The following KIRREL3 variants were observed in gnomAD, a reference collection of about 807,000 sequenced individuals.
The protein encoded by KIRREL3 is kirre like nephrin family adhesion molecule 3.
Under a neutral mutation model 89.7 loss-of-function variants are expected in KIRREL3, and 36 were observed. That is an observed-to-expected ratio of 0.40 (90% confidence interval 0.31 to 0.53). KIRREL3 has a LOEUF of 0.53. Ranked by LOEUF, KIRREL3 falls within the 20% of genes least tolerant of loss-of-function variation. KIRREL3 has a pLI of 0.49. For synonymous variants in KIRREL3, 445 were observed against 441.4 expected (o/e 1.01, Z -0.10); for missense variants, 864 against 1,056.6 (o/e 0.82, Z 2.53).
In KIRREL3 at chr11:126,561,109, G is replaced by A. The variant is rs1940086333; in HGVS notation, c.133+1726C>T. On this transcript the variant is annotated intron_variant, in intron 2 of 16. Coordinates refer to ENST00000525144, the MANE Select transcript of KIRREL3 (RefSeq NM_032531.4). The surrounding 1 kb of genome is among the most constrained non-coding windows in gnomAD (Gnocchi z 4.5). ...AGAAATGTATAATGTGGTACTTAGG[G>A]CAGCAAGGCTGGCTGGAGTGGAAGA... Among the ~76,000 whole-genome samples, 1 of 152,146 alleles carries A rather than the reference G, an allele frequency of 6.6e-6. No homozygotes were observed. The highest frequency in any genetic ancestry group is 2.4e-5 in the African/African-American group (1 of 41,420).
At chr11:126,833,064 G>C (rs1212767143) in intron 1 of KIRREL3, among the ~76,000 whole-genome samples, 1 of 152,142 alleles carries the variant, frequency 6.6e-6, no homozygotes, top group East Asian at 1.9e-4. Context: ...TCTCACTGCT[G>C]TTATCCTCAT....
chr11:126,646,722 G>A (rs541295188), intron 1 of KIRREL3, among the ~76,000 whole-genome samples: 70 of 152,032 alleles, frequency 4.6e-4, no homozygotes, highest in African/African-American at 1.5e-3. Flanking sequence ...TGATTCACCC[G>A]CCTTGGGCTC....
At chr11:126,728,192 G>A (rs1445758813) in intron 1 of KIRREL3, among the ~76,000 whole-genome samples, 1 of 152,132 alleles carries the variant, frequency 6.6e-6, no homozygotes, top group African/African-American at 2.4e-5. Flanking sequence ...AAATAATTGG[G>A]ACACCAGGAG....
intron 1 of KIRREL3, among the ~76,000 whole-genome samples, chr11:126,660,522 G>A (rs1385254414): frequency 6.6e-6 from 1 of 152,136 alleles, no homozygotes; most frequent in African/African-American, 2.4e-5. Context: ...ATTGAGAACT[G>A]ACTGTGTGTC....
At chr11:126,887,905 G>A (rs1945761872) in intron 1 of KIRREL3, among the ~76,000 whole-genome samples, 1 of 152,230 alleles carries the variant, frequency 6.6e-6, no homozygotes. Flanking sequence ...GCACAGGAGA[G>A]AGGGGGTGGG....
chr11:126,998,525 C>A (rs559869528), intron 1 of KIRREL3, among the ~76,000 whole-genome samples: 1 of 152,302 alleles, frequency 6.6e-6, no homozygotes, highest in Admixed American at 6.5e-5. Flanking sequence ...TTAAGAACTG[C>A]ATGATGTTAT....
intron 2 of KIRREL3, among the ~76,000 whole-genome samples, chr11:126,538,665 A>C (rs970005495): frequency 2.0e-5 from 3 of 152,088 alleles, no homozygotes; most frequent in Non-Finnish European, 4.4e-5. Flanking sequence ...GACGGATAAA[A>C]ATGGATTTTT....
At position 126,696,220 on chromosome 11, in the gene KIRREL3, C is replaced by G. The variant is rs1947088100; in HGVS notation, c.56-133308G>C. Among the ~76,000 whole-genome samples, 3 of 151,500 alleles carry G rather than the reference C, an allele frequency of 2.0e-5. No individual in the cohort carries two copies. The highest frequency in any genetic ancestry group is 7.3e-5 in the African/African-American group (3 of 41,166). ...TGCAGTGAGCCAACATCCCGCCACT[C>G]CACTCCAGCCTGGGCCACTGAGCGA... On this transcript the variant is annotated intron_variant, in intron 1 of 16. Transcript: ENST00000525144. This position sits in a 1 kb window ranked among gnomAD's most constrained non-coding sequence, Gnocchi z 4.4.
Position 126,719,604 on chromosome 11 carries a change from C to G in KIRREL3, c.56-156692G>C, listed in dbSNP as rs1487535838. ...ACAGCCAACTCCTGCCTTCACCACACAGCCCCTCCCGCTAGATCCTGTCAA... is the reference window on the plus strand; with the variant it reads ...ACAGCCAACTCCTGCCTTCACCACAGAGCCCCTCCCGCTAGATCCTGTCAA... On this transcript the variant is annotated intron_variant, in intron 1 of 16. Transcript: ENST00000525144. This position sits in a 1 kb window ranked among gnomAD's most constrained non-coding sequence, Gnocchi z 4.7. Among the ~76,000 whole-genome samples, 1 of 152,170 alleles carries G rather than the reference C, an allele frequency of 6.6e-6. No individual in the cohort carries two copies. Among genetic ancestry groups the G allele is most frequent in the Non-Finnish European group, 1.5e-5 (1 of 68,030 alleles).
At position 126,522,409 on chromosome 11, in the gene KIRREL3, C is replaced by T. The variant is rs1374556135; in HGVS notation, c.284-945G>A. On this transcript the variant is annotated intron_variant, in intron 3 of 16. Transcript: ENST00000525144. This position sits in a 1 kb window ranked among gnomAD's most constrained non-coding sequence, Gnocchi z 6.0. ...GCCCGCCCTTCCAGTGTCTAGGAACCTTGGGTCACTTTGAGTCACAGTGGA... is the reference window on the plus strand; with the variant it reads ...GCCCGCCCTTCCAGTGTCTAGGAACTTTGGGTCACTTTGAGTCACAGTGGA... 1.3e-5 allele frequency among the ~76,000 whole-genome samples: 2 copies of T among 152,186 alleles called. No individual in the cohort carries two copies. The highest frequency in any genetic ancestry group is 2.9e-5 in the Non-Finnish European group (2 of 68,044).
chr11:126,692,798 A>G (rs1203383208), intron 1 of KIRREL3, among the ~76,000 whole-genome samples: 1 of 152,244 alleles, frequency 6.6e-6, no homozygotes, highest in Non-Finnish European at 1.5e-5. Context: ...TCAGATTCAT[A>G]GAAAAAACAG....
Position 126,579,676 on chromosome 11 carries a change from A to G in KIRREL3, c.56-16764T>C, listed in dbSNP as rs115116016. Among the ~76,000 whole-genome samples, 372 of 152,186 alleles carry G rather than the reference A, an allele frequency of 2.4e-3. 4 individuals carry two copies. The highest frequency in any genetic ancestry group is 8.5e-3 in the African/African-American group (352 of 41,528). Reference sequence around the variant, plus strand: ...TTGAGGTTGGATGGCATTTGTATCTAGAGTTGCACCTGGATCTGGACAATG... The same window carrying G: ...TTGAGGTTGGATGGCATTTGTATCTGGAGTTGCACCTGGATCTGGACAATG... On this transcript the variant is annotated intron_variant, in intron 1 of 16. Coordinates refer to ENST00000525144, the MANE Select transcript of KIRREL3 (RefSeq NM_032531.4). The surrounding 1 kb of genome is among the most constrained non-coding windows in gnomAD (Gnocchi z 5.3).
At position 126,877,257 on chromosome 11, in the gene KIRREL3, G is replaced by T. The variant is rs1338807603; in HGVS notation, c.55+123198C>A. 3.9e-5 allele frequency among the ~76,000 whole-genome samples: 6 copies of T among 152,196 alleles called. No individual in the cohort carries two copies. Among genetic ancestry groups the T allele is most frequent in the Admixed American group, 3.3e-4 (5 of 15,278 alleles). On this transcript the variant is annotated intron_variant, in intron 1 of 16. Coordinates refer to ENST00000525144, the MANE Select transcript of KIRREL3 (RefSeq NM_032531.4). This position sits in a 1 kb window ranked among gnomAD's most constrained non-coding sequence, Gnocchi z 4.9. ...AGTTCTCTTCTCCAGCCAGCCAAGA[G>T]CTGCATTACATCTGGAACTGGGCTC... is the stretch of plus-strand genomic sequence containing the variant.
Position 126,440,433 on chromosome 11 carries a change from T to TCCCTGGAG in KIRREL3, c.1353+8_1353+15dup, listed in dbSNP as rs1955516615. ...CTGCTGGCCCGGCCCCCGCCCGCCG[T>TCCCTGGAG]CCCTGGAGCACTCACGATGCGGTCC... On this transcript the variant is annotated intron_variant, in intron 11 of 16. Transcript: ENST00000525144. The TCCCTGGAG allele has an allele frequency of 2.6e-6, 4 of 1,557,034 alleles. No homozygotes were observed. The highest frequency in any genetic ancestry group is 3.5e-6 in the Non-Finnish European group (4 of 1,151,552).
intron 5 of KIRREL3, among the ~76,000 whole-genome samples, chr11:126,468,683 G>C (rs1205955809): frequency 6.6e-6 from 1 of 152,258 alleles, no homozygotes; most frequent in Admixed American, 6.5e-5. Flanking sequence ...GCAGGGAACT[G>C]GGGTTCCCCC....
intron 1 of KIRREL3, among the ~76,000 whole-genome samples, chr11:126,779,851 C>T (rs753065626): frequency 2.6e-5 from 4 of 151,986 alleles, no homozygotes; most frequent in Non-Finnish European, 5.9e-5. Context: ...CATAATACTT[C>T]TGTCTTAGGA....
At chr11:126,580,080 C>T (rs866198398) in intron 1 of KIRREL3, among the ~76,000 whole-genome samples, 1 of 152,136 alleles carries the variant, frequency 6.6e-6, no homozygotes, top group East Asian at 1.9e-4. Context: ...CTCCTGACCT[C>T]GTGATCCACC....
Position 126,697,177 on chromosome 11 carries a change from C to CA in KIRREL3, c.56-134266dup, listed in dbSNP as rs1334158976. Among the ~76,000 whole-genome samples the CA allele has an allele frequency of 6.6e-6, 1 of 152,184 alleles. No individual in the cohort carries two copies. Among genetic ancestry groups the CA allele is most frequent in the African/African-American group, 2.4e-5 (1 of 41,452 alleles). ...TCCGCTGGTCCCCCAGACCTGTGTT[C>CA]ACCTGGCTCACAGCCCTCCTTAATT... On this transcript the variant is annotated intron_variant, in intron 1 of 16. Coordinates refer to ENST00000525144, the MANE Select transcript of KIRREL3 (RefSeq NM_032531.4). This position sits in a 1 kb window ranked among gnomAD's most constrained non-coding sequence, Gnocchi z 4.2.
At chr11:126,852,921 G>T (rs1747343840) in intron 1 of KIRREL3, among the ~76,000 whole-genome samples, 1 of 152,166 alleles carries the variant, frequency 6.6e-6, no homozygotes, top group African/African-American at 2.4e-5. Flanking sequence ...GGAATGTCCA[G>T]GGAGCAGAAG....
Sources: allele counts gnomAD v4.1 joint callset (sites outside exome capture counted in the v4.1 genomes callset), GRCh38; gene constraint gnomAD v4.1.1; non-coding constraint Gnocchi (gnomAD v3.1); transcripts MANE v1.5; gene names NCBI Gene and HGNC (gene_info 2026-07-23, HGNC 2026-07-21).